The following RNF17 variants were observed in gnomAD, a reference collection of about 807,000 sequenced individuals.
The protein encoded by RNF17 is spermatogenesis associated 23.
A neutral mutation model predicts 200.5 loss-of-function variants in RNF17; 31 were observed. The ratio of observed to expected loss-of-function variants is 0.15; its 90% confidence interval spans 0.12 to 0.21. The LOEUF is 0.21. RNF17 is among the 10% of genes least tolerant of loss of function. The probability of loss-of-function intolerance (pLI) is 1.00; values close to 1 mark genes in which losing one functional copy is unlikely to be tolerated. For synonymous variants in RNF17, 606 were observed against 637.8 expected (o/e 0.95, Z 0.75); for missense variants, 1,628 against 1,905.1 (o/e 0.85, Z 2.71).
chr13:24,861,752 A>G (rs1893124277), intron 27 of RNF17, among the ~76,000 whole-genome samples: 2 of 152,214 alleles, frequency 1.3e-5, no homozygotes, highest in Admixed American at 1.3e-4. Context: ...GTGGTCTAAA[A>G]CAACAATAAA....
chr13:24,885,716 A>C, the RNF17 span: 1 of 1,325,580 alleles, frequency 7.5e-7, no homozygotes, highest in South Asian at 1.2e-5. Flanking sequence ...ATTTAATTGA[A>C]AATTTTATTA....
downstream of RNF17, chr13:24,883,107 A>G: frequency 7.5e-7 from 1 of 1,324,850 alleles, no homozygotes; most frequent in Non-Finnish European, 1.1e-6. Context: ...ATTAAACAGA[A>G]TCCACAGTAA....
chr13:24,790,689 C>G (rs1230902819), intron 9 of RNF17, among the ~76,000 whole-genome samples: 2 of 152,180 alleles, frequency 1.3e-5, no homozygotes, highest in Non-Finnish European at 2.9e-5. Context: ...GATCATAATG[C>G]TGGCAGATTT....
intron 11 of RNF17, among the ~76,000 whole-genome samples, chr13:24,796,714 A>G (rs995607203): frequency 1.3e-5 from 2 of 152,182 alleles, no homozygotes; most frequent in African/African-American, 4.8e-5. Flanking sequence ...ACCCATTCCC[A>G]GCGCCCTACA....
intron 9 of RNF17, among the ~76,000 whole-genome samples, chr13:24,790,211 A>G (rs752693689): frequency 6.6e-6 from 1 of 152,184 alleles, no homozygotes; most frequent in Non-Finnish European, 1.5e-5. Context: ...CTTATCTATT[A>G]AAATTAAGTA....
chr13:24,882,453 G>C (rs1007955801), downstream of RNF17: 2 of 150,894 alleles, frequency 1.3e-5, no homozygotes, highest in African/African-American at 4.9e-5. Context: ...CATCCTTCAG[G>C]GACATCTTGC....
intron 16 of RNF17, among the ~76,000 whole-genome samples, chr13:24,828,492 T>G (rs1268507364): frequency 6.6e-6 from 1 of 152,160 alleles, no homozygotes; most frequent in African/African-American, 2.4e-5. Context: ...TGTTTACTTG[T>G]GTTCCTTCTT....
At chr13:24,864,450 A>G (rs1893417994) in intron 28 of RNF17, among the ~76,000 whole-genome samples, 1 of 152,138 alleles carries the variant, frequency 6.6e-6, no homozygotes, top group South Asian at 2.1e-4. Flanking sequence ...CAGAGTTTTA[A>G]AGTTACCATG....
chr13:24,786,897 A>G (rs1043033760), intron 6 of RNF17, among the ~76,000 whole-genome samples: 3 of 152,126 alleles, frequency 2.0e-5, no homozygotes, highest in African/African-American at 7.2e-5. Flanking sequence ...ATTTCTTCAA[A>G]TAATTTCTGT....
At chr13:24,812,855 G>C (rs1566168799) in intron 15 of RNF17, among the ~76,000 whole-genome samples, 1 of 151,782 alleles carries the variant, frequency 6.6e-6, no homozygotes, top group South Asian at 2.1e-4. Context: ...CTAATTTTTT[G>C]TATTTTTTAG....
rs569588318 is a variant in RNF17, at chr13:24,839,549, A to C, written c.2483-2492A>C. On this transcript the variant is annotated intron_variant, in intron 18 of 35. Coordinates refer to ENST00000255324, the MANE Select transcript of RNF17 (RefSeq NM_031277.3). The stretch of plus-strand genomic sequence containing the variant: ...CAAAAATAGGCACATAGACTAATGA[A>C]ACAGAATAGAGAACCCAGAAATAAA... Among the ~76,000 whole-genome samples, 3 of 152,316 alleles carry C rather than the reference A, an allele frequency of 2.0e-5. No homozygotes were observed. In the South Asian group the frequency reaches 6.2e-4, roughly 32 times the overall value.
Position 24,854,127 on chromosome 13 carries a change from T to C in RNF17, c.3593T>C (p.Val1198Ala). Reference sequence around the variant, plus strand: ...GTTGGTGATGATGGAACTATATTTGTAGTACCTAAACTATCAGGTGAGACC... The same window carrying C: ...GTTGGTGATGATGGAACTATATTTGCAGTACCTAAACTATCAGGTGAGACC... Reference protein sequence around the residue: ...SCVGDDGTIFVVPKLSEFELI... With the variant: ...SCVGDDGTIFAVPKLSEFELI... Residue 1198 changes from valine (V) to alanine (A), a missense_variant, in exon 25 of 36, where the codon GTA (valine) becomes GCA (alanine). Physicochemically the swap from Val to Ala is moderately conservative, Grantham distance 64 (BLOSUM62 0). Around this residue, in one of 5 missense-constraint regions of RNF17, gnomAD observed 609 missense variants for 681.9 expected, o/e 0.89. Coordinates refer to ENST00000255324, the MANE Select transcript of RNF17 (RefSeq NM_031277.3). The C allele has an allele frequency of 6.2e-7, 1 of 1,612,866 alleles. No individual in the cohort carries two copies. Among genetic ancestry groups the C allele is most frequent in the Non-Finnish European group, 8.5e-7 (1 of 1,179,134 alleles).
downstream of RNF17, chr13:24,883,136 A>C: frequency 6.5e-7 from 1 of 1,533,608 alleles, no homozygotes. Context: ...TTTTTAACAT[A>C]AAAAGTCAGT....
the RNF17 span, among the ~76,000 whole-genome samples, chr13:24,757,834 C>T: frequency 6.6e-6 from 1 of 152,160 alleles, no homozygotes; most frequent in African/African-American, 2.4e-5. Flanking sequence ...TGATGTTTCA[C>T]TTTTTATATG....
At chr13:24,763,531 T>C (rs930705648), upstream of RNF17, among the ~76,000 whole-genome samples, 1 of 152,082 alleles carries the variant, frequency 6.6e-6, no homozygotes, top group African/African-American at 2.4e-5. Flanking sequence ...AGGCTAATTC[T>C]TACTGTCTCT....
intron 32 of RNF17, among the ~76,000 whole-genome samples, chr13:24,872,960 G>T (rs532703756): frequency 6.6e-6 from 1 of 152,314 alleles, no homozygotes; most frequent in Non-Finnish European, 1.5e-5. Context: ...GGTAGAAGTT[G>T]TTTGGGAGAA....
chr13:24,821,525 T>C (rs1888053535), intron 15 of RNF17, among the ~76,000 whole-genome samples: 1 of 152,184 alleles, frequency 6.6e-6, no homozygotes, highest in Non-Finnish European at 1.5e-5. Context: ...TGTTTACTTC[T>C]CTCCATTCTT....
chr13:24,870,605 A>G lies in RNF17; in HGVS notation c.4313A>G (p.Asn1438Ser), dbSNP rs377568714. The change falls in exon 32 of 36, where the codon AAC (asparagine) becomes AGC (serine). Residue 1438 changes from asparagine to serine, a missense_variant. Coordinates refer to ENST00000255324, the MANE Select transcript of RNF17 (RefSeq NM_031277.3). Reference protein sequence around the residue: ...YICLDSIETSNQSNQHSDTDD... With the variant: ...YICLDSIETSSQSNQHSDTDD... ...TGCCTTGATTCTATAGAAACTTCTA[A>G]CCAGTCTAACCAGCATAGTGACACA... is the stretch of plus-strand genomic sequence containing the variant. 71 of 1,613,862 alleles carry G rather than the reference A, an allele frequency of 4.4e-5. No individual in the cohort carries two copies. The Admixed American group carries it at 6.3e-4, about 14-fold the overall frequency.
At chr13:24,843,713 GTTCTT>G in intron 19 of RNF17, 26 bp from the exon 20 acceptor site, 18 of 1,319,368 alleles carry the variant, frequency 1.4e-5, no homozygotes, top group Non-Finnish European at 2.0e-5. Flanking sequence ...TTTGCATACA[GTTCTT>G]TTCATTAACT....
Sources: gnomAD v4.1 joint callset for allele counts (sites outside exome capture counted in the v4.1 genomes callset) on GRCh38, gnomAD v4.1.1 for gene constraint, gnomAD v4.1.1 regional missense constraint, MANE v1.5 for transcripts, NCBI Gene and HGNC (gene_info 2026-07-23, HGNC 2026-07-21) for gene names.